The following TRAF3 variants were observed in gnomAD, a reference collection of about 807,000 sequenced individuals.
TRAF3 encodes the protein TNF receptor associated factor 3.
A neutral mutation model predicts 62.3 loss-of-function variants in TRAF3; 13 were observed. The ratio of observed to expected loss-of-function variants is 0.21; its 90% CI spans 0.14 to 0.33. The LOEUF (loss-of-function observed/expected upper bound fraction) is 0.33. Among genes scored for constraint, TRAF3 ranks in the 10% least tolerant of loss-of-function variants. The probability of loss-of-function intolerance (pLI) is 1.00; values close to 1 mark genes in which losing one functional copy is unlikely to be tolerated. For synonymous variants in TRAF3, 269 were observed against 283.4 expected, an observed-to-expected ratio of 0.95 and a Z score of 0.51; for missense variants, 440 against 741.8, an observed-to-expected ratio of 0.59 and a Z score of 4.73.
rs1890602288 is a variant in TRAF3, at chr14:102,906,757, G to A, written c.*973G>A. 6.6e-6 allele frequency: 1 copy of A among 152,218 alleles called. No homozygotes were observed. The highest frequency in any genetic ancestry group is 2.4e-5 in the African/African-American group (1 of 41,448). 9.4% of individuals were successfully genotyped at this position (152,218 alleles called of 1,614,324 possible). On this transcript the variant is annotated 3_prime_UTR_variant, in exon 12 of 12. Coordinates refer to ENST00000392745, the MANE Select transcript of TRAF3 (RefSeq NM_145725.3). ...CGAGCTCTCTGTTGCTGACAGCACCGGCCTTCGGTCTCCATGTCAGGGGTG... is the reference window on the plus strand; with the variant it reads ...CGAGCTCTCTGTTGCTGACAGCACCAGCCTTCGGTCTCCATGTCAGGGGTG...
intron 1 of TRAF3, among the ~76,000 whole-genome samples, chr14:102,778,223 C>T (rs528285360): frequency 2.6e-5 from 4 of 151,580 alleles, no homozygotes; most frequent in Admixed American, 6.6e-5. Context: ...GCGCGAATCC[C>T]CCTCGCGCGG....
intron 1 of TRAF3, among the ~76,000 whole-genome samples, chr14:102,828,660 G>A (rs1232518968): frequency 6.6e-6 from 1 of 152,152 alleles, no homozygotes; most frequent in African/African-American, 2.4e-5. Context: ...CCTAATCAAG[G>A]TAAAGAATTA....
intron 6 of TRAF3, among the ~76,000 whole-genome samples, chr14:102,885,392 C>T (rs1889318431): frequency 6.6e-6 from 1 of 152,186 alleles, no homozygotes; most frequent in African/African-American, 2.4e-5. Flanking sequence ...CCACAGTCTT[C>T]TGCTCAGCAG....
chr14:102,890,954 ATTTTAATGGGAAAAATAGC>A (rs1416987363), intron 8 of TRAF3, among the ~76,000 whole-genome samples: 2 of 152,234 alleles, frequency 1.3e-5, no homozygotes, highest in Non-Finnish European at 2.9e-5. Context: ...CTTATGCTAT[ATTTTAATGGGAAAAATAGC>A]TTATAATAGG....
chr14:102,826,975 C>T lies in TRAF3; in HGVS notation c.-156-3359C>T, dbSNP rs116454257. 6.6e-6 allele frequency among the ~76,000 whole-genome samples: 1 copy of T among 152,112 alleles called. No homozygotes were observed. The highest frequency in any genetic ancestry group is 1.5e-5 in the Non-Finnish European group (1 of 68,020). On this transcript the variant is annotated intron_variant, in intron 1 of 11. Coordinates refer to ENST00000392745, the MANE Select transcript of TRAF3 (RefSeq NM_145725.3). This position sits in a 1 kb window ranked among gnomAD's most constrained non-coding sequence, Gnocchi z 4.6. ...ACATAGGCTCTGTCAGTGGTGGTGGCGGTGGCTGTACCTGCTCCGGGCTGC... is the reference window on the plus strand; with the variant it reads ...ACATAGGCTCTGTCAGTGGTGGTGGTGGTGGCTGTACCTGCTCCGGGCTGC...
chr14:102,870,673 C>G (rs1478305380), intron 3 of TRAF3, among the ~76,000 whole-genome samples: 2 of 152,212 alleles, frequency 1.3e-5, no homozygotes, highest in African/African-American at 4.8e-5. Context: ...CCCGTGTCTT[C>G]CCACTCCGTC....
chr14:102,790,074 C>T (rs1434333857), intron 1 of TRAF3, among the ~76,000 whole-genome samples: 2 of 152,122 alleles, frequency 1.3e-5, no homozygotes, highest in African/African-American at 4.8e-5. Context: ...GTGATCCACC[C>T]ACCTCAGCCT....
At chr14:102,813,945 T>C (rs1368453637) in intron 1 of TRAF3, among the ~76,000 whole-genome samples, 1 of 152,218 alleles carries the variant, frequency 6.6e-6, no homozygotes, top group Non-Finnish European at 1.5e-5. Context: ...ATGTTTGCTT[T>C]TGTTGTCCGT....
At chr14:102,834,562 C>T (rs1213928062) in intron 2 of TRAF3, among the ~76,000 whole-genome samples, 1 of 151,844 alleles carries the variant, frequency 6.6e-6, no homozygotes, top group Non-Finnish European at 1.5e-5. Context: ...TGGCGGGCGC[C>T]TGTAGTCCCA....
intron 9 of TRAF3, among the ~76,000 whole-genome samples, chr14:102,895,453 C>T (rs933934149): frequency 5.9e-5 from 9 of 152,330 alleles, no homozygotes; most frequent in East Asian, 1.9e-4. Context: ...TGGACAGCAT[C>T]GGGAGTCAGC....
intron 1 of TRAF3, among the ~76,000 whole-genome samples, chr14:102,780,091 G>A (rs906237327): frequency 6.6e-6 from 1 of 152,152 alleles, no homozygotes; most frequent in African/African-American, 2.4e-5. Flanking sequence ...GAGTGAGAAA[G>A]AAGGAGGTGA....
intron 1 of TRAF3, among the ~76,000 whole-genome samples, chr14:102,792,421 C>T (rs1434484532): frequency 1.4e-5 from 2 of 147,184 alleles, no homozygotes; most frequent in Admixed American, 6.9e-5. Flanking sequence ...ACCAATATGC[C>T]CAGTTAATTG....
intron 2 of TRAF3, among the ~76,000 whole-genome samples, chr14:102,855,790 T>C (rs1441349261): frequency 7.6e-6 from 1 of 132,298 alleles, no homozygotes; most frequent in Non-Finnish European, 1.5e-5. Flanking sequence ...AATGAGACTT[T>C]ATCTAAAAAA....
At chr14:102,818,869 C>T (rs568927957) in intron 1 of TRAF3, among the ~76,000 whole-genome samples, 256 of 152,146 alleles carry the variant, frequency 1.7e-3, no homozygotes, top group Non-Finnish European at 3.0e-3. Context: ...GATAGATTAA[C>T]TAGTTTGATT....
At chr14:102,843,133 G>A (rs1274542427) in intron 2 of TRAF3, among the ~76,000 whole-genome samples, 5 of 151,378 alleles carry the variant, frequency 3.3e-5, no homozygotes. Flanking sequence ...AACCCGGGAG[G>A]CAGAGGTTGC....
intron 6 of TRAF3, among the ~76,000 whole-genome samples, chr14:102,885,827 G>T (rs78207301): frequency 0.034 from 5,211 of 152,290 alleles, 92 homozygotes; most frequent in Admixed American, 0.06. Flanking sequence ...TGTGAGTGCT[G>T]TGTGAGTGGC....
chr14:102,888,784 C>T (rs1889548772), intron 7 of TRAF3, among the ~76,000 whole-genome samples: 1 of 152,216 alleles, frequency 6.6e-6, no homozygotes, highest in Non-Finnish European at 1.5e-5. Context: ...TAGCCTAACA[C>T]ATGACTCTAA....
intron 1 of TRAF3, among the ~76,000 whole-genome samples, chr14:102,809,529 CTTT>C (rs60882875): frequency 5.5e-4 from 63 of 114,902 alleles, no homozygotes; most frequent in African/African-American, 1.9e-3. Flanking sequence ...ACAGCATAGA[CTTT>C]TTTTTTTTTT....
chr14:102,806,021 G>T (rs565747119), intron 1 of TRAF3, among the ~76,000 whole-genome samples: 1 of 151,474 alleles, frequency 6.6e-6, no homozygotes, highest in Non-Finnish European at 1.5e-5. Context: ...TGGTGGGGTG[G>T]GGGTGGGGTG....
Sources: gnomAD v4.1 joint callset for allele counts (sites outside exome capture counted in the v4.1 genomes callset) on GRCh38, gnomAD v4.1.1 for gene constraint, Gnocchi (gnomAD v3.1) non-coding constraint, MANE v1.5 for transcripts, NCBI Gene and HGNC (gene_info 2026-07-23, HGNC 2026-07-21) for gene names.